Variants in GRM7 observed in about 807,000 individuals in gnomAD.
The protein encoded by GRM7 is metabotropic glutamate receptor 7.
In GRM7, 35 loss-of-function variants were observed where a neutral mutation model predicts 84.5. That is an observed-to-expected ratio of 0.41 (90% CI 0.32 to 0.55). GRM7 has a LOEUF of 0.55. GRM7 is among the 20% of genes least tolerant of loss of function. The pLI, the probability that GRM7 is intolerant of heterozygous loss-of-function variation, is 0.19. For synonymous variants in GRM7, 487 were observed against 455.1 expected (o/e 1.07, Z -0.89); for missense variants, 1,003 against 1,194.6 (o/e 0.84, Z 2.36).
chr3:7,622,535 TAA>T (rs1459544089), intron 8 of GRM7, among the ~76,000 whole-genome samples: 3 of 152,002 alleles, frequency 2.0e-5, no homozygotes, highest in Non-Finnish European at 4.4e-5. Flanking sequence ...GCAACTGTGT[TAA>T]GTGCCATAAA....
intron 1 of GRM7, among the ~76,000 whole-genome samples, chr3:6,952,178 C>G (rs78874603): frequency 6.6e-6 from 1 of 152,062 alleles, no homozygotes; most frequent in African/African-American, 2.4e-5. Flanking sequence ...TTCCAAGGGT[C>G]GTTAGGAAGG....
intron 7 of GRM7, among the ~76,000 whole-genome samples, chr3:7,567,663 G>T (rs1209411141): frequency 6.9e-6 from 1 of 143,966 alleles, no homozygotes; most frequent in African/African-American, 2.6e-5. Context: ...CATGAGAATT[G>T]CTTGAACCCG....
chr3:7,554,729 C>T (rs1693677736), intron 7 of GRM7, among the ~76,000 whole-genome samples: 1 of 152,188 alleles, frequency 6.6e-6, no homozygotes, highest in South Asian at 2.1e-4. Flanking sequence ...TTAGTTGGTG[C>T]TGCCATTTTG....
chr3:7,503,339 T>G lies in GRM7; in HGVS notation c.1515+41617T>G, dbSNP rs1699939789. ...GGAACAAGTCCAGGGAATGGCTCTT[T>G]TCTAGATGACAGTGACCTTTCCACC... is the stretch of plus-strand genomic sequence containing the variant. On this transcript the variant is annotated intron_variant, in intron 7 of 9. Transcript: ENST00000357716. Among the ~76,000 whole-genome samples the G allele has an allele frequency of 2.6e-5, 4 of 152,118 alleles. No individual in the cohort carries two copies. In the South Asian group the frequency reaches 8.3e-4, roughly 32 times the overall value.
chr3:7,340,593 C>T (rs1190307301), intron 4 of GRM7, among the ~76,000 whole-genome samples: 2 of 152,092 alleles, frequency 1.3e-5, no homozygotes, highest in East Asian at 3.9e-4. Context: ...GAAGACATGA[C>T]GCCTAACCAT....
chr3:7,333,509 T>G (rs1161486854), intron 4 of GRM7, among the ~76,000 whole-genome samples: 1 of 152,122 alleles, frequency 6.6e-6, no homozygotes, highest in East Asian at 1.9e-4. Context: ...TACAGATCTT[T>G]CCACTGAAAC....
chr3:7,705,656 G>A (rs1261170316), intron 9 of GRM7, among the ~76,000 whole-genome samples: 1 of 152,190 alleles, frequency 6.6e-6, no homozygotes, highest in African/African-American at 2.4e-5. Flanking sequence ...CTTGTGCAAT[G>A]GCCATGCTTT....
intron 1 of GRM7, among the ~76,000 whole-genome samples, chr3:6,895,241 C>T (rs1343520733): frequency 1.3e-5 from 2 of 152,102 alleles, no homozygotes; most frequent in Non-Finnish European, 2.9e-5. Flanking sequence ...CCAAAAGTGT[C>T]GCCTCAGTGG....
At chr3:7,498,858 CTTTCTG>C (rs1699791055) in intron 7 of GRM7, among the ~76,000 whole-genome samples, 1 of 152,214 alleles carries the variant, frequency 6.6e-6, no homozygotes, top group Non-Finnish European at 1.5e-5. Flanking sequence ...GAGCCCTCCA[CTTTCTG>C]TTGTCCTTGG....
At chr3:6,984,901 A>G (rs1287894223) in intron 1 of GRM7, among the ~76,000 whole-genome samples, 1 of 152,200 alleles carries the variant, frequency 6.6e-6, no homozygotes, top group Admixed American at 6.5e-5. Flanking sequence ...CCAGTGGGAT[A>G]TGCGTGTGCC....
At chr3:7,462,668 A>G (rs1559339944) in intron 7 of GRM7, among the ~76,000 whole-genome samples, 1 of 152,332 alleles carries the variant, frequency 6.6e-6, no homozygotes, top group Admixed American at 6.5e-5. Flanking sequence ...TTCTATGAAG[A>G]AAGGGTTATT....
At chr3:7,114,894 G>C (rs769159476) in intron 1 of GRM7, among the ~76,000 whole-genome samples, 2 of 152,068 alleles carry the variant, frequency 1.3e-5, no homozygotes, top group Non-Finnish European at 2.9e-5. Context: ...CCCACCCCAT[G>C]TTTTGCCCTC....
intron 1 of GRM7, among the ~76,000 whole-genome samples, chr3:7,116,864 T>C (rs1210204476): frequency 6.6e-6 from 1 of 152,190 alleles, no homozygotes; most frequent in Non-Finnish European, 1.5e-5. Flanking sequence ...TCTCTCTCAG[T>C]GTTCAAGTTT....
rs551596453 is a variant in GRM7, at chr3:7,716,098, C to T, written c.2699-24259C>T. Among the ~76,000 whole-genome samples, 3 of 152,170 alleles carry T rather than the reference C, an allele frequency of 2.0e-5. No homozygotes were observed. The South Asian group carries it at 6.2e-4, about 32-fold the overall frequency. ...TGAATGCAGGGGTATCTGAGAAAAC[C>T]CAACATCTAATTCAAAGGTCTGGAG... On this transcript the variant is annotated intron_variant, in intron 9 of 9. Coordinates refer to ENST00000357716, the MANE Select transcript of GRM7 (RefSeq NM_000844.4).
intron 4 of GRM7, among the ~76,000 whole-genome samples, chr3:7,406,224 G>A (rs979575747): frequency 2.6e-5 from 4 of 152,054 alleles, no homozygotes; most frequent in Non-Finnish European, 4.4e-5. Flanking sequence ...CTATCGGCCG[G>A]GCGTGGTGGC....
At chr3:7,442,062 T>C (rs11920250) in intron 5 of GRM7, among the ~76,000 whole-genome samples, 10,501 of 152,122 alleles carry the variant, frequency 0.069, 1,204 homozygotes, top group African/African-American at 0.23. Flanking sequence ...AATTTGCAAA[T>C]TGCTTTGGGC....
intron 2 of GRM7, among the ~76,000 whole-genome samples, chr3:7,271,146 A>C (rs1286939386): frequency 6.6e-6 from 1 of 152,208 alleles, no homozygotes; most frequent in African/African-American, 2.4e-5. Context: ...GCTAAGAATA[A>C]AGGCTTCTGC....
chr3:7,526,462 T>G (rs1195385670), intron 7 of GRM7, among the ~76,000 whole-genome samples: 2 of 152,166 alleles, frequency 1.3e-5, no homozygotes, highest in African/African-American at 4.8e-5. Flanking sequence ...ACAAATACTT[T>G]CTCCAATTCT....
At chr3:7,620,881 G>A (rs957781771) in intron 8 of GRM7, among the ~76,000 whole-genome samples, 2 of 151,714 alleles carry the variant, frequency 1.3e-5, no homozygotes, top group African/African-American at 4.8e-5. Context: ...GCAGACCCTG[G>A]TGATGGTAAA....
Sources: allele counts gnomAD v4.1 joint callset (sites outside exome capture counted in the v4.1 genomes callset), GRCh38; gene constraint gnomAD v4.1.1; transcripts MANE v1.5; gene names NCBI Gene and HGNC (gene_info 2026-07-23, HGNC 2026-07-21).